The following TAFA1 variants were observed in gnomAD, a reference collection of about 807,000 sequenced individuals.
TAFA1 encodes TAFA chemokine like family member 1.
A neutral mutation model predicts 18.5 loss-of-function variants in TAFA1; 4 were observed. The ratio of observed to expected loss-of-function variants is 0.22; its 90% CI spans 0.11 to 0.49. TAFA1 has a LOEUF of 0.49. TAFA1 is among the 20% of genes least tolerant of loss of function. The pLI is 0.98. For missense variants in TAFA1, 147 were observed against 169.0 expected (o/e 0.87, Z 0.72); for synonymous variants, 56 against 55.2 (o/e 1.01, Z -0.06).
At chr3:68,536,581 A>G (rs1328279938) in intron 3 of TAFA1, among the ~76,000 whole-genome samples, 5 of 152,180 alleles carry the variant, frequency 3.3e-5, no homozygotes, top group Admixed American at 2.6e-4. Context: ...ATTTGGGAAG[A>G]GCTAACACAG....
intron 2 of TAFA1, among the ~76,000 whole-genome samples, chr3:68,139,967 G>A (rs1461463945): frequency 1.3e-5 from 2 of 152,242 alleles, no homozygotes; most frequent in Admixed American, 6.5e-5. Context: ...CTCATGGAGT[G>A]GTTGTTAAGA....
At chr3:68,292,144 C>T (rs565265851) in intron 2 of TAFA1, among the ~76,000 whole-genome samples, 2 of 152,224 alleles carry the variant, frequency 1.3e-5, no homozygotes, top group African/African-American at 2.4e-5. Flanking sequence ...ATGTTATCTA[C>T]TCTATACAGT....
chr3:68,431,533 G>T (rs1157279861), intron 3 of TAFA1, among the ~76,000 whole-genome samples: 1 of 151,976 alleles, frequency 6.6e-6, no homozygotes, highest in Admixed American at 6.6e-5. Flanking sequence ...AAGATGATAA[G>T]GGGCTTGCCC....
intron 2 of TAFA1, among the ~76,000 whole-genome samples, chr3:68,333,729 T>A (rs996649696): frequency 6.6e-6 from 1 of 152,202 alleles, no homozygotes; most frequent in Non-Finnish European, 1.5e-5. Context: ...TGCACTCCCA[T>A]GTTCATTGCA....
chr3:68,375,154 A>G (rs947957355), intron 2 of TAFA1, among the ~76,000 whole-genome samples: 1 of 152,174 alleles, frequency 6.6e-6, no homozygotes, highest in Non-Finnish European at 1.5e-5. Flanking sequence ...TCTCCCAAAC[A>G]TAAATAGCCT....
chr3:68,527,247 T>C (rs1309992627), intron 3 of TAFA1, among the ~76,000 whole-genome samples: 2 of 152,102 alleles, frequency 1.3e-5, no homozygotes, highest in Non-Finnish European at 2.9e-5. Context: ...CCAGGACTGG[T>C]ATGCAGCCTA....
At chr3:68,344,096 G>T (rs1350482669) in intron 2 of TAFA1, among the ~76,000 whole-genome samples, 1 of 152,124 alleles carries the variant, frequency 6.6e-6, no homozygotes, top group East Asian at 1.9e-4. Context: ...GCCTGCCTGG[G>T]CCTCCCAAAG....
intron 3 of TAFA1, among the ~76,000 whole-genome samples, chr3:68,535,578 C>T (rs992978813): frequency 1.3e-5 from 2 of 152,092 alleles, no homozygotes; most frequent in Non-Finnish European, 2.9e-5. Context: ...GTCTGGTCCA[C>T]ATATAAGGCA....
chr3:68,254,792 T>C (rs529034357), intron 2 of TAFA1, among the ~76,000 whole-genome samples: 1 of 152,184 alleles, frequency 6.6e-6, no homozygotes, highest in South Asian at 2.1e-4. Context: ...TAAGGGCCAT[T>C]GTATTATATA....
chr3:68,322,253 A>G (rs2068706924), intron 2 of TAFA1, among the ~76,000 whole-genome samples: 1 of 152,222 alleles, frequency 6.6e-6, no homozygotes, highest in Non-Finnish European at 1.5e-5. Context: ...TTGACATAAA[A>G]ATAGTATTTT....
At chr3:68,388,160 G>T (rs965616312) in intron 2 of TAFA1, among the ~76,000 whole-genome samples, 2 of 152,010 alleles carry the variant, frequency 1.3e-5, no homozygotes, top group African/African-American at 4.8e-5. Context: ...AAATCGTGGC[G>T]GCTGGAGATA....
intron 2 of TAFA1, among the ~76,000 whole-genome samples, chr3:68,250,122 G>A (rs928555254): frequency 1.3e-5 from 2 of 152,084 alleles, no homozygotes; most frequent in African/African-American, 4.8e-5. Flanking sequence ...ATCACTTATA[G>A]CTTTGTCCCC....
chr3:68,305,729 G>A (rs1216998867), intron 2 of TAFA1, among the ~76,000 whole-genome samples: 5 of 151,840 alleles, frequency 3.3e-5, no homozygotes, highest in African/African-American at 1.2e-4. Context: ...AAGGGAAGAG[G>A]ATATGTAATA....
At chr3:68,482,735 A>T (rs2072261280) in intron 3 of TAFA1, among the ~76,000 whole-genome samples, 1 of 152,178 alleles carries the variant, frequency 6.6e-6, no homozygotes, top group East Asian at 1.9e-4. Flanking sequence ...GCCAATTTAA[A>T]CAACACATTC....
At position 68,255,597 on chromosome 3, in the gene TAFA1, G is replaced by T. The variant is rs115968593; in HGVS notation, c.119-161683G>T. On this transcript the variant is annotated intron_variant, in intron 2 of 4. Coordinates refer to ENST00000478136, the MANE Select transcript of TAFA1 (RefSeq NM_213609.4). ...CTATGTCCGTTCAGGTGATGCCAGGGTCAATGGCCACAGCATAGAGGATCA... is the reference window on the plus strand; with the variant it reads ...CTATGTCCGTTCAGGTGATGCCAGGTTCAATGGCCACAGCATAGAGGATCA... Among the ~76,000 whole-genome samples, 980 of 152,190 alleles carry T rather than the reference G, an allele frequency of 6.4e-3. 13 individuals carry two copies. Among genetic ancestry groups the T allele is most frequent in the African/African-American group, 0.022 (913 of 41,536 alleles).
intron 3 of TAFA1, among the ~76,000 whole-genome samples, chr3:68,526,903 T>C (rs1010271329): frequency 1.7e-4 from 26 of 152,006 alleles, no homozygotes; most frequent in African/African-American, 6.0e-4. Context: ...ATAAGAAACA[T>C]AAAAAACATT....
chr3:68,241,085 A>G (rs943330966), intron 2 of TAFA1, among the ~76,000 whole-genome samples: 1 of 152,198 alleles, frequency 6.6e-6, no homozygotes, highest in East Asian at 1.9e-4. Context: ...TACCTATTTA[A>G]ACTAAAGAAT....
At chr3:68,026,377 C>G (rs1206975706) in intron 2 of TAFA1, among the ~76,000 whole-genome samples, 1 of 151,260 alleles carries the variant, frequency 6.6e-6, no homozygotes, top group East Asian at 2.0e-4. Flanking sequence ...CTCCCAATCG[C>G]CTAACAGAAA....
intron 2 of TAFA1, among the ~76,000 whole-genome samples, chr3:68,060,049 A>G (rs1257973850): frequency 6.6e-6 from 1 of 151,870 alleles, no homozygotes; most frequent in East Asian, 1.9e-4. Flanking sequence ...TGCTCCATGT[A>G]TAATCAAGGC....
Sources: allele counts gnomAD v4.1 joint callset (sites outside exome capture counted in the v4.1 genomes callset), GRCh38; gene constraint gnomAD v4.1.1; transcripts MANE v1.5; gene names NCBI Gene and HGNC (gene_info 2026-07-23, HGNC 2026-07-21).